Variants in MYRF observed in about 807,000 individuals in gnomAD.
MYRF encodes myelin gene regulatory factor.
A neutral mutation model predicts 126.3 loss-of-function variants in MYRF; 16 were observed. The ratio of observed to expected loss-of-function variants is 0.13; its 90% CI spans 0.09 to 0.19. The LOEUF (loss-of-function observed/expected upper bound fraction) is 0.19, where lower values mean the gene tolerates loss of function less well. Ranked by LOEUF, MYRF falls within the 10% of genes least tolerant of loss-of-function variation. MYRF has a pLI of 1.00. For synonymous variants in MYRF, 608 were observed against 635.3 expected, an observed-to-expected ratio of 0.96 and a Z score of 0.65; for missense variants, 1,104 against 1,547.0, an observed-to-expected ratio of 0.71 and a Z score of 4.80.
At position 61,755,269 on chromosome 11, in the gene MYRF, C is replaced by G. The variant is rs566262032; in HGVS notation, c.46+2479C>G. On this transcript the variant is annotated intron_variant, in intron 1 of 26. Coordinates refer to ENST00000278836, the MANE Select transcript of MYRF (RefSeq NM_001127392.3). ...GCCGGTGGTGGGCTGGGGGCTAAGG[C>G]GCTTTGGACCTCAGGTGGGAGGCCG... The G allele has an allele frequency of 1.7e-5, 19 of 1,123,324 alleles. No homozygotes were observed. The African/African-American group carries it at 2.4e-4, about 14-fold the overall frequency. The allele number at this position is 1,123,324 out of a possible 1,614,324, so 69.6% of individuals were successfully genotyped here. A position where few individuals can be genotyped will look rare whatever the true frequency, so the allele number is the denominator to read the frequency against.
In MYRF at chr11:61,777,558, G is replaced by T; in HGVS notation, c.1791+94G>T. On this transcript the variant is annotated intron_variant, in intron 12 of 26. Transcript: ENST00000278836. This position sits in a 1 kb window ranked among gnomAD's most constrained non-coding sequence, Gnocchi z 8.8. ...GGGAGGGGGCGTGACTACGCGGAAA[G>T]GCGGAGCTGCGGGGGAAGGAAGGGA... The T allele has an allele frequency of 6.8e-7, 1 of 1,461,464 alleles. No homozygotes were observed. The highest frequency in any genetic ancestry group is 9.3e-7 in the Non-Finnish European group (1 of 1,078,612). The allele number at this position is 1,461,464 out of a possible 1,614,324, so 90.5% of individuals were successfully genotyped here.
Position 61,776,718 on chromosome 11 carries a change from G to T in MYRF, c.1500-69G>T. 8.0e-7 allele frequency: 1 copy of T among 1,247,658 alleles called. No homozygotes were observed. The allele number at this position is 1,247,658 out of a possible 1,614,324, so 77.3% of individuals were successfully genotyped here. A position where few individuals can be genotyped will look rare whatever the true frequency, so the allele number is the denominator to read the frequency against. ...AGGGGGTGAGATGAACATGCATCTG[G>T]CCAGGGAAAGGGTGGCCCTGGGGGC... On this transcript the variant is annotated intron_variant, in intron 10 of 26. Coordinates refer to ENST00000278836, the MANE Select transcript of MYRF (RefSeq NM_001127392.3). This position sits in a 1 kb window ranked among gnomAD's most constrained non-coding sequence, Gnocchi z 4.3.
At chr11:61,779,165 C>T (rs1348715908) in intron 14 of MYRF, 98 bp from the exon 15 acceptor site, 14 of 1,342,366 alleles carry the variant, frequency 1.0e-5, no homozygotes, top group East Asian at 5.0e-5. Flanking sequence ...GGACAGTGGC[C>T]GCCCCTCCTG....
rs2066723568 is a variant in MYRF at position 61,787,623 on chromosome 11, T to C, written c.*1480T>C. 6.5e-6 allele frequency: 1 copy of C among 152,720 alleles called. No homozygotes were observed. The highest frequency in any genetic ancestry group is 6.5e-5 in the Admixed American group (1 of 15,280). 9.5% of individuals were successfully genotyped at this position (152,720 alleles called of 1,614,324 possible). ...GATCTCAAAGCACTTGTCCTCAGGA[T>C]AGGGAAGAGCAGGGGGATGCAGGAA... On this transcript the variant is annotated 3_prime_UTR_variant, in exon 27 of 27. Transcript: ENST00000278836.
chr11:61,778,265 AT>A lies in MYRF; in HGVS notation c.1904-114del. Reference sequence around the variant, plus strand: ...TGCTCCAGGGCTCCTTGGAATCCAAATCTCTGGGTTCCAGAACTTCACCCTC... The same window carrying A: ...TGCTCCAGGGCTCCTTGGAATCCAAACTCTGGGTTCCAGAACTTCACCCTC... On this transcript the variant is annotated intron_variant, in intron 13 of 26. Transcript: ENST00000278836. This position sits in a 1 kb window ranked among gnomAD's most constrained non-coding sequence, Gnocchi z 4.6. The A allele has an allele frequency of 1.3e-6, 1 of 754,088 alleles. No individual in the cohort carries two copies. The highest frequency in any genetic ancestry group is 3.8e-4 in the Middle Eastern group (1 of 2,660). The allele number at this position is 754,088 out of a possible 1,614,324, so 46.7% of individuals were successfully genotyped here. A position where few individuals can be genotyped will look rare whatever the true frequency, so the allele number is the denominator to read the frequency against.
chr11:61,775,761 G>A (rs111965057), intron 8 of MYRF, among the ~76,000 whole-genome samples: 16 of 151,608 alleles, frequency 1.1e-4, no homozygotes, highest in Non-Finnish European at 1.9e-4. Flanking sequence ...TGGGGGGAGC[G>A]TGTGGGTGTG....
intron 25 of MYRF, 50 bp from the exon 26 acceptor site, chr11:61,785,750 T>G (rs755142876): frequency 5.3e-6 from 8 of 1,508,254 alleles, no homozygotes; most frequent in African/African-American, 4.1e-5. Context: ...GAGATGCTGG[T>G]TGGGATAAGG....
At position 61,777,368 on chromosome 11, in the gene MYRF, C is replaced by T; in HGVS notation, c.1695C>T (p.Asp565=). The change falls in exon 12 of 27, where the codon GAC becomes GAT. Residue 565 remains aspartate (D), a synonymous_variant. Coordinates refer to ENST00000278836, the MANE Select transcript of MYRF (RefSeq NM_001127392.3). This position sits in a 1 kb window ranked among gnomAD's most constrained non-coding sequence, Gnocchi z 8.8. ...ACGGCCGCGTGGGCATCAACACAGACCGGCCGGATGAGGCGCTGGTTGTGC... is the reference window on the plus strand; with the variant it reads ...ACGGCCGCGTGGGCATCAACACAGATCGGCCGGATGAGGCGCTGGTTGTGC... ...FHHGRVGINT[D]RPDEALVVHG... The T allele has an allele frequency of 6.2e-7, 1 of 1,613,888 alleles. No individual in the cohort carries two copies. Among genetic ancestry groups the T allele is most frequent in the Non-Finnish European group, 8.5e-7 (1 of 1,180,038 alleles).
At chr11:61,779,603 A>C in intron 16 of MYRF, 33 bp downstream of exon 16, 2 of 1,465,134 alleles carry the variant, frequency 1.4e-6, no homozygotes, top group Non-Finnish European at 1.8e-6. Context: ...GGCGGGTTGG[A>C]AAGGGGGCCT....
chr11:61,765,500 G>C (rs553494962), intron 1 of MYRF, 125 bp from the exon 2 acceptor site: 3 of 686,544 alleles, frequency 4.4e-6, no homozygotes, highest in African/African-American at 3.6e-5. Flanking sequence ...GGATACCTGG[G>C]TGGGAAGGAG....
At chr11:61,756,316 T>C (rs1477122967) in intron 1 of MYRF, among the ~76,000 whole-genome samples, 2 of 152,056 alleles carry the variant, frequency 1.3e-5, no homozygotes, top group African/African-American at 4.8e-5. Flanking sequence ...TTGAGGGGGC[T>C]ACCTGTCAGG....
chr11:61,766,513 G>A (rs1017198349), intron 3 of MYRF: 7 of 414,284 alleles, frequency 1.7e-5, no homozygotes, highest in South Asian at 5.9e-5. Context: ...AGGAAGCGGC[G>A]GGACTGGAGG....
chr11:61,763,288 G>A (rs762175141), intron 1 of MYRF, among the ~76,000 whole-genome samples: 6 of 152,200 alleles, frequency 3.9e-5, no homozygotes, highest in Non-Finnish European at 8.8e-5. Flanking sequence ...ACAGGGGATG[G>A]TGATTATGTT....
At position 61,771,547 on chromosome 11, in the gene MYRF, C is replaced by T; in HGVS notation, c.788C>T (p.Pro263Leu). 2 of 1,614,022 alleles carry T rather than the reference C, an allele frequency of 1.2e-6. No individual in the cohort carries two copies. The highest frequency in any genetic ancestry group is 2.2e-5 in the East Asian group (1 of 44,864). ...SKKRKHSESP[P>L]STLNAQMLNG... ...AAGAGGAAGCACTCTGAATCCCCCC[C>T]CAGCACCCTCAATGCCCAGATGCTG... Residue 263 changes from proline (P) to leucine (L), a missense_variant, in exon 6 of 27, where the codon CCC becomes CTC. Pro to Leu is a moderately conservative substitution (Grantham distance 98). This residue lies in a region of MYRF where 368 missense variants were observed against 403.9 expected (regional missense o/e 0.91). Transcript: ENST00000278836.
Position 61,783,439 on chromosome 11 carries a change from A to T in MYRF, c.3017-59A>T. ...AGTGACTGCTTCAAGTCTGGCAAGG[A>T]AAGACTTGCCAGCTTCTCATTTGTG... On this transcript the variant is annotated intron_variant, in intron 22 of 26. Transcript: ENST00000278836. This position sits in a 1 kb window ranked among gnomAD's most constrained non-coding sequence, Gnocchi z 4.6. 1 of 1,380,096 alleles carries T rather than the reference A, an allele frequency of 7.2e-7. No homozygotes were observed. Among genetic ancestry groups the T allele is most frequent in the Non-Finnish European group, 1.0e-6 (1 of 975,436 alleles). The allele number at this position is 1,380,096 out of a possible 1,614,324, so 85.5% of individuals were successfully genotyped here. A position where few individuals can be genotyped will look rare whatever the true frequency, so the allele number is the denominator to read the frequency against.
intron 5 of MYRF, 66 bp from the exon 6 acceptor site, chr11:61,771,434 G>T (rs942432519): frequency 6.4e-7 from 1 of 1,558,068 alleles, no homozygotes; most frequent in Non-Finnish European, 8.7e-7. Flanking sequence ...GAGAGAGGTG[G>T]ATACTACCCA....
At chr11:61,758,613 C>T (rs564189688) in intron 1 of MYRF, among the ~76,000 whole-genome samples, 3 of 152,300 alleles carry the variant, frequency 2.0e-5, no homozygotes, top group East Asian at 3.9e-4. Flanking sequence ...TGTGTACATG[C>T]GTGTCCTGGC....
chr11:61,765,819 A>G (rs2066040356), intron 2 of MYRF, 107 bp downstream of exon 2: 1 of 1,416,828 alleles, frequency 7.1e-7, no homozygotes, highest in African/African-American at 1.4e-5. Context: ...CTGTGGTCCC[A>G]CCTCTGAAAG....
At chr11:61,767,040 T>C (rs1306900510) in intron 3 of MYRF, 2 of 456,680 alleles carry the variant, frequency 4.4e-6, no homozygotes, top group Admixed American at 2.3e-5. Flanking sequence ...CCTCAAATGC[T>C]TACCCCTCAA....
Sources: gnomAD v4.1 joint callset for allele counts (sites outside exome capture counted in the v4.1 genomes callset) on GRCh38, gnomAD v4.1.1 for gene constraint, gnomAD v4.1.1 regional missense constraint, Gnocchi (gnomAD v3.1) non-coding constraint, MANE v1.5 for transcripts, NCBI Gene and HGNC (gene_info 2026-07-23, HGNC 2026-07-21) for gene names.